LHFPL3: variants seen among roughly 807,000 people sequenced by gnomAD.
The protein encoded by LHFPL3 is LHFPL tetraspan subfamily member 3 protein.
Under a neutral mutation model 19.3 loss-of-function variants are expected in LHFPL3, and 5 were observed. The ratio of observed to expected loss-of-function variants is 0.26; its 90% CI spans 0.14 to 0.54. The LOEUF (loss-of-function observed/expected upper bound fraction) is 0.54, where lower values mean the gene tolerates loss of function less well. Among genes scored for constraint, LHFPL3 ranks in the 20% least tolerant of loss-of-function variants. The pLI, the probability that LHFPL3 is intolerant of heterozygous loss-of-function variation, is 0.94. For synonymous variants in LHFPL3, 133 were observed against 126.2 expected, an observed-to-expected ratio of 1.05 and a Z score of -0.36; for missense variants, 249 against 307.4, an observed-to-expected ratio of 0.81 and a Z score of 1.42.
At chr7:104,396,741 G>A (rs529374775) in intron 1 of LHFPL3, among the ~76,000 whole-genome samples, 16 of 151,892 alleles carry the variant, frequency 1.1e-4, no homozygotes, top group South Asian at 6.3e-4. Flanking sequence ...CAGATTGCTC[G>A]AGCTCAGGAG....
At chr7:104,387,132 T>A (rs2116463298) in intron 1 of LHFPL3, among the ~76,000 whole-genome samples, 1 of 152,176 alleles carries the variant, frequency 6.6e-6, no homozygotes, top group East Asian at 1.9e-4. Context: ...AAGAGAAATA[T>A]AAAAATGATG....
intron 2 of LHFPL3, among the ~76,000 whole-genome samples, chr7:104,846,524 T>C (rs939770959): frequency 1.3e-5 from 2 of 151,104 alleles, no homozygotes; most frequent in Non-Finnish European, 2.9e-5. Context: ...TTAGAGATGA[T>C]AGAGCCTTGA....
intron 1 of LHFPL3, among the ~76,000 whole-genome samples, chr7:104,580,518 C>T (rs1315017315): frequency 6.6e-6 from 1 of 152,072 alleles, no homozygotes; most frequent in Non-Finnish European, 1.5e-5. Context: ...CAGTGGCCTT[C>T]ATGCCTAAGC....
chr7:104,530,828 A>G (rs551221072), intron 1 of LHFPL3, among the ~76,000 whole-genome samples: 2 of 152,340 alleles, frequency 1.3e-5, no homozygotes, highest in African/African-American at 4.8e-5. Flanking sequence ...TTAATCCTTC[A>G]CCATGCAAGC....
At chr7:104,417,014 C>T (rs560812442) in intron 1 of LHFPL3, among the ~76,000 whole-genome samples, 1 of 152,376 alleles carries the variant, frequency 6.6e-6, no homozygotes, top group South Asian at 2.1e-4. Context: ...CGAATCCCTT[C>T]TCACTAGGCC....
intron 1 of LHFPL3, among the ~76,000 whole-genome samples, chr7:104,464,636 G>A (rs1425438041): frequency 1.3e-5 from 2 of 152,250 alleles, no homozygotes; most frequent in Non-Finnish European, 2.9e-5. Context: ...GCGAAGGCTT[G>A]GGGCTTGCAG....
At chr7:104,821,666 A>C (rs1353252608) in intron 2 of LHFPL3, among the ~76,000 whole-genome samples, 1 of 152,122 alleles carries the variant, frequency 6.6e-6, no homozygotes, top group South Asian at 2.1e-4. Flanking sequence ...ATTCAGCATA[A>C]TCTACAGTGT....
intron 2 of LHFPL3, among the ~76,000 whole-genome samples, chr7:104,838,748 T>C (rs376623483): frequency 7.9e-5 from 12 of 152,336 alleles, no homozygotes; most frequent in African/African-American, 2.6e-4. Flanking sequence ...TCTAGTGAAA[T>C]TGAGGAACTG....
chr7:104,343,707 T>C (rs921003513), intron 1 of LHFPL3, among the ~76,000 whole-genome samples: 1 of 144,066 alleles, frequency 6.9e-6, no homozygotes, highest in African/African-American at 2.7e-5. Context: ...TAATATATTT[T>C]ACATTTGTGT....
Position 104,333,333 on chromosome 7 carries a change from T to C in LHFPL3, c.445+4109T>C, listed in dbSNP as rs1330019222. 2.6e-5 allele frequency among the ~76,000 whole-genome samples: 4 copies of C among 152,212 alleles called. No individual in the cohort carries two copies. In the East Asian group the frequency reaches 7.7e-4, roughly 29 times the overall value. On this transcript the variant is annotated intron_variant, in intron 1 of 2. Coordinates refer to ENST00000424859, the MANE Select transcript of LHFPL3 (RefSeq NM_199000.3). ...GGTTTTGTAGACATCGGTCATGCAT[T>C]TCTTGGTCAAAGGCAACAGATGTGG...
Position 104,823,253 on chromosome 7 carries a change from C to A in LHFPL3, c.683-82934C>A, listed in dbSNP as rs116408675. ...AATTCTTGATGTTGCAGGTATCTTT[C>A]ATCTGCATGAAGAGTTTGGAAGGCC... On this transcript the variant is annotated intron_variant, in intron 2 of 2. Transcript: ENST00000424859. Among the ~76,000 whole-genome samples, 1,048 of 152,284 alleles carry A rather than the reference C, an allele frequency of 6.9e-3. 15 individuals carry two copies. Among genetic ancestry groups the A allele is most frequent in the African/African-American group, 0.024 (1,001 of 41,552 alleles).
intron 1 of LHFPL3, among the ~76,000 whole-genome samples, chr7:104,342,846 T>C (rs1789983755): frequency 6.6e-6 from 1 of 152,220 alleles, no homozygotes. Context: ...TAGTGCAATT[T>C]AATTCAGCAT....
chr7:104,492,079 T>C (rs1793365089), intron 1 of LHFPL3, among the ~76,000 whole-genome samples: 1 of 152,236 alleles, frequency 6.6e-6, no homozygotes, highest in Non-Finnish European at 1.5e-5. Context: ...TTTCCTTTAG[T>C]ATGTGCTGAT....
At chr7:104,405,712 T>C (rs1304912207) in intron 1 of LHFPL3, among the ~76,000 whole-genome samples, 3 of 152,212 alleles carry the variant, frequency 2.0e-5, no homozygotes, top group Non-Finnish European at 2.9e-5. Flanking sequence ...CCAACCATTA[T>C]CTTCTTGGCA....
intron 1 of LHFPL3, among the ~76,000 whole-genome samples, chr7:104,667,266 G>GGA (rs1792373717): frequency 1.6e-5 from 2 of 123,922 alleles, no homozygotes; most frequent in Non-Finnish European, 3.5e-5. Flanking sequence ...TGTTTTCTTG[G>GGA]GGGGGGGAAT....
At chr7:104,842,946 G>A (rs1791240803) in intron 2 of LHFPL3, among the ~76,000 whole-genome samples, 1 of 152,202 alleles carries the variant, frequency 6.6e-6, no homozygotes, top group Non-Finnish European at 1.5e-5. Flanking sequence ...TTGTTGAACA[G>A]ATCAAGGTGT....
At chr7:104,581,121 G>C (rs1206340512) in intron 1 of LHFPL3, among the ~76,000 whole-genome samples, 2 of 152,042 alleles carry the variant, frequency 1.3e-5, no homozygotes, top group East Asian at 1.9e-4. Context: ...CAAAGTGATT[G>C]ATCCATTTTT....
chr7:104,479,643 C>T (rs187515300), intron 1 of LHFPL3, among the ~76,000 whole-genome samples: 106 of 152,270 alleles, frequency 7.0e-4, no homozygotes, highest in Non-Finnish European at 2.1e-4. Context: ...CCACCTGCCT[C>T]GGCTTCCCAA....
chr7:104,767,203 C>G (rs1794470014), intron 2 of LHFPL3, among the ~76,000 whole-genome samples: 1 of 152,214 alleles, frequency 6.6e-6, no homozygotes, highest in South Asian at 2.1e-4. Context: ...GGTGAGAAGA[C>G]TAGCAGTGGT....
Sources: gnomAD v4.1 joint callset for allele counts (sites outside exome capture counted in the v4.1 genomes callset) on GRCh38, gnomAD v4.1.1 for gene constraint, MANE v1.5 for transcripts, NCBI Gene and HGNC (gene_info 2026-07-23, HGNC 2026-07-21) for gene names.